The following EIF3D variants were observed in gnomAD, a reference collection of about 807,000 sequenced individuals.
EIF3D encodes eIF3 p66.
In EIF3D, 10 loss-of-function variants were observed where a neutral mutation model predicts 75.4. The ratio of observed to expected loss-of-function variants is 0.13; its 90% confidence interval spans 0.08 to 0.22. The LOEUF is 0.22. Ranked by LOEUF, EIF3D falls within the 10% of genes least tolerant of loss-of-function variation. The pLI is 1.00. For missense variants in EIF3D, 394 were observed against 708.0 expected, an observed-to-expected ratio of 0.56 and a Z score of 5.03; for synonymous variants, 246 against 248.3, an observed-to-expected ratio of 0.99 and a Z score of 0.09.
intron 1 of EIF3D, among the ~76,000 whole-genome samples, chr22:36,526,497 G>C (rs1253253284): frequency 6.6e-6 from 1 of 152,064 alleles, no homozygotes; most frequent in East Asian, 1.9e-4. Flanking sequence ...TGTCAGATTT[G>C]ATAAAATGTC....
rs1934322451 is a variant in EIF3D, at chr22:36,510,924, A to G, written c.*63T>C. 2 of 1,550,452 alleles carry G rather than the reference A, an allele frequency of 1.3e-6. No individual in the cohort carries two copies. The highest frequency in any genetic ancestry group is 2.3e-5 in the East Asian group (1 of 43,642). On this transcript the variant is annotated 3_prime_UTR_variant, in exon 15 of 15. Transcript: ENST00000216190. The stretch of plus-strand genomic sequence containing the variant: ...AGAGAGCAAGTTAGACACACATTCC[A>G]CTAAGCATCAAAGGCCCTCGTAGTC...
intron 9 of EIF3D, 41 bp downstream of exon 9, chr22:36,518,720 AAT>A (rs1215576211): frequency 6.2e-7 from 1 of 1,609,260 alleles, no homozygotes; most frequent in African/African-American, 1.3e-5. Context: ...TACCAACAAA[AAT>A]ACTCAATGCC....
intron 12 of EIF3D, among the ~76,000 whole-genome samples, chr22:36,514,019 AGG>A (rs1363979312): frequency 6.6e-6 from 1 of 152,210 alleles, no homozygotes; most frequent in African/African-American, 2.4e-5. Context: ...GCCCTGAACT[AGG>A]GCAATTATCA....
intron 13 of EIF3D, 46 bp downstream of exon 13, chr22:36,512,414 C>A: frequency 6.2e-7 from 1 of 1,610,528 alleles, no homozygotes. Flanking sequence ...TACCCAGACC[C>A]TTCCTTTCAC....
intron 7 of EIF3D, among the ~76,000 whole-genome samples, chr22:36,520,107 A>G (rs1024932779): frequency 1.3e-5 from 2 of 152,146 alleles, no homozygotes; most frequent in Admixed American, 6.6e-5. Flanking sequence ...GGATACCAGG[A>G]AGTTAAAAAG....
At chr22:36,528,606 A>T (rs1284232437) in intron 1 of EIF3D, 1 of 135,222 alleles carries the variant, frequency 7.4e-6, no homozygotes, top group Admixed American at 7.1e-5. Flanking sequence ...GGGGTGGGGT[A>T]GATTTAAGAT....
intron 5 of EIF3D, 146 bp from the exon 6 acceptor site, chr22:36,523,427 G>T: frequency 1.5e-6 from 1 of 673,004 alleles, no homozygotes. Context: ...GAAAGGAAGA[G>T]ACCCAGACGG....
chr22:36,522,646 C>A (rs1934531918), intron 6 of EIF3D, among the ~76,000 whole-genome samples: 1 of 151,780 alleles, frequency 6.6e-6, no homozygotes, highest in Admixed American at 6.5e-5. Flanking sequence ...TAGCTGCCTA[C>A]TGCTGGGCTA....
chr22:36,514,728 G>A (rs1934396963), intron 12 of EIF3D, among the ~76,000 whole-genome samples: 1 of 152,172 alleles, frequency 6.6e-6, no homozygotes, highest in African/African-American at 2.4e-5. Context: ...CCCACAATAA[G>A]AATGGGCTTG....
intron 8 of EIF3D, 102 bp downstream of exon 8, chr22:36,519,303 A>G: frequency 1.3e-6 from 2 of 1,522,160 alleles, no homozygotes; most frequent in East Asian, 2.3e-5. Flanking sequence ...TTTACCTATA[A>G]TACATACGTT....
At chr22:36,526,917 A>T (rs1934613180) in intron 1 of EIF3D, 1 of 152,248 alleles carries the variant, frequency 6.6e-6, no homozygotes, top group African/African-American at 2.4e-5. Flanking sequence ...TGCAAAATAA[A>T]CAAGATCCTT....
intron 14 of EIF3D, 30 bp downstream of exon 14, chr22:36,511,473 C>T (rs368209899): frequency 6.2e-7 from 1 of 1,612,356 alleles, no homozygotes. Context: ...ACAGATCACT[C>T]TAGACCTCAG....
At chr22:36,525,643 T>C (rs1344079537) in intron 3 of EIF3D, 21 bp downstream of exon 3, 1 of 1,611,782 alleles carries the variant, frequency 6.2e-7, no homozygotes, top group South Asian at 1.1e-5. Context: ...GATTGGGGCA[T>C]TCAGTTGCAG....
intron 9 of EIF3D, among the ~76,000 whole-genome samples, chr22:36,518,302 C>CCAACATGGTGAAACCGTCTCTA (rs559611768): frequency 2.8e-3 from 425 of 152,012 alleles, no homozygotes; most frequent in Non-Finnish European, 4.3e-3. Context: ...ACCAGCCTCG[C>CCAACATGGTGAAACCGTCTCTA]CAACATGGTG....
At chr22:36,524,478 C>A in intron 4 of EIF3D, 118 bp downstream of exon 4, 1 of 1,449,658 alleles carries the variant, frequency 6.9e-7, no homozygotes, top group Admixed American at 2.0e-5. Flanking sequence ...CCGAGATTCA[C>A]GAAAAGACCT....
At chr22:36,515,895 G>T (rs866944804) in intron 12 of EIF3D, among the ~76,000 whole-genome samples, 3 of 150,784 alleles carry the variant, frequency 2.0e-5, no homozygotes, top group African/African-American at 7.4e-5. Context: ...TGATGTGGGC[G>T]GGGGGGCGGA....
intron 14 of EIF3D, 38 bp from the exon 15 acceptor site, chr22:36,511,038 T>C: frequency 1.3e-6 from 2 of 1,599,782 alleles, no homozygotes; most frequent in Non-Finnish European, 1.7e-6. Flanking sequence ...ATGAGCCAGG[T>C]TGTGTGATAT....
chr22:36,513,352 G>A (rs1489847871), intron 12 of EIF3D, among the ~76,000 whole-genome samples: 1 of 151,800 alleles, frequency 6.6e-6, no homozygotes, highest in Non-Finnish European at 1.5e-5. Context: ...GCCCAGGGTG[G>A]AGTGCAGTGG....
chr22:36,511,290 G>T, intron 14 of EIF3D: 1 of 1,002,078 alleles, frequency 1.0e-6, no homozygotes, highest in Non-Finnish European at 1.4e-6. Flanking sequence ...CAGTCCAGCC[G>T]CTTCTCTAAA....
Sources: gnomAD v4.1 joint callset for allele counts (sites outside exome capture counted in the v4.1 genomes callset) on GRCh38, gnomAD v4.1.1 for gene constraint, MANE v1.5 for transcripts, NCBI Gene and HGNC (gene_info 2026-07-23, HGNC 2026-07-21) for gene names.